The following ERI1 variants were observed in gnomAD, a reference collection of about 807,000 sequenced individuals.
ERI1 encodes 3'-5' exoribonuclease 1.
ERI1 carries 39 observed loss-of-function variants against 39.7 expected under a neutral mutation model. That is an observed-to-expected ratio of 0.98 (90% confidence interval 0.76 to 1.28). The LOEUF is 1.28. Ranked by LOEUF, ERI1 falls within the 50% of genes most tolerant of loss-of-function variation. The pLI, the probability that ERI1 is intolerant of heterozygous loss-of-function variation, is 0.00. For missense variants in ERI1, 581 were observed against 416.9 expected (o/e 1.39, Z -3.43); for synonymous variants, 204 against 149.6 (o/e 1.36, Z -2.65).
At chr8:9,003,615 A>G (rs145276021) in intron 1 of ERI1, among the ~76,000 whole-genome samples, 11 of 152,328 alleles carry the variant, frequency 7.2e-5, no homozygotes, top group Non-Finnish European at 1.0e-4. Flanking sequence ...CTGTCTCTGT[A>G]CCTGTTAAGT....
intron 3 of ERI1, among the ~76,000 whole-genome samples, chr8:9,091,948 T>C (rs1799719183): frequency 1.3e-5 from 2 of 152,202 alleles, no homozygotes; most frequent in Admixed American, 6.5e-5. Flanking sequence ...CTGAAGTGTG[T>C]GCATGTGTTT....
At chr8:9,005,468 AAG>A in intron 1 of ERI1, among the ~76,000 whole-genome samples, 1 of 152,192 alleles carries the variant, frequency 6.6e-6, no homozygotes, top group Middle Eastern at 3.4e-3. Context: ...CTTTTTGTAA[AAG>A]AAAATTTGTA....
At chr8:9,073,184 C>T (rs1799108761) in intron 3 of ERI1, among the ~76,000 whole-genome samples, 1 of 152,332 alleles carries the variant, frequency 6.6e-6, no homozygotes, top group East Asian at 1.9e-4. Context: ...TCGGCTTTGT[C>T]CTTGATTTTG....
chr8:9,046,799 G>T (rs1033940785), intron 3 of ERI1, among the ~76,000 whole-genome samples: 4 of 152,188 alleles, frequency 2.6e-5, no homozygotes, highest in Admixed American at 6.5e-5. Context: ...GAAAGCAGTG[G>T]AAGTTCCACT....
chr8:9,025,804 G>GT lies in ERI1; in HGVS notation c.808-3981dup, dbSNP rs1469280550. On this transcript the variant is annotated intron_variant, in intron 6 of 6. Coordinates refer to ENST00000250263, the MANE Select transcript of ERI1 (RefSeq NM_153332.4). ...CCAGAAGAAATGTTTGAGATTTGGG[G>GT]TTTTTTTCAGATTTTGGAATATTTG... Among the ~76,000 whole-genome samples the GT allele has an allele frequency of 8.2e-3, 1,247 of 151,604 alleles. 16 individuals carry two copies. Among genetic ancestry groups the GT allele is most frequent in the African/African-American group, 0.029 (1,190 of 41,254 alleles).
Position 9,029,851 on chromosome 8 carries a change from T to C in ERI1, c.867T>C (p.Asp289=). The C allele has an allele frequency of 6.2e-7, 1 of 1,614,230 alleles. No homozygotes were observed. The highest frequency in any genetic ancestry group is 8.5e-7 in the Non-Finnish European group (1 of 1,180,036). The change falls in exon 7 of 7, where the codon GAT becomes GAC. Residue 289 remains aspartate, a synonymous_variant. Coordinates refer to ENST00000250263, the MANE Select transcript of ERI1 (RefSeq NM_153332.4). ...TTGAAAAATTAGGAATGGATTATGA[T>C]GGGCGGCCTCACTGTGGTCTTGATG... ...IMLEKLGMDY[D]GRPHCGLDDS...
intron 1 of ERI1, chr8:9,004,272 T>G (rs547746208): frequency 1.7e-6 from 2 of 1,180,140 alleles, no homozygotes; most frequent in South Asian, 3.2e-5. Context: ...CTCTTCAGCC[T>G]GAGATACGTT....
At chr8:9,039,228 C>G (rs1797944875) in intron 3 of ERI1, among the ~76,000 whole-genome samples, 1 of 152,166 alleles carries the variant, frequency 6.6e-6, no homozygotes, top group Non-Finnish European at 1.5e-5. Flanking sequence ...ACTTTCAAAA[C>G]ACCTTTTAGG....
intron 1 of ERI1, among the ~76,000 whole-genome samples, chr8:9,005,429 G>C (rs577803840): frequency 2.0e-5 from 3 of 151,676 alleles, no homozygotes; most frequent in Middle Eastern, 3.4e-3. Context: ...TTCCCAATAA[G>C]AAGAGGACAG....
chr8:9,099,906 G>A (rs893122851), intron 3 of ERI1: 1 of 151,658 alleles, frequency 6.6e-6, no homozygotes, highest in Non-Finnish European at 1.5e-5. Context: ...TACCAGTTCT[G>A]TTGAACCTCA....
At chr8:9,079,956 C>G (rs528253625) in intron 3 of ERI1, among the ~76,000 whole-genome samples, 1 of 150,230 alleles carries the variant, frequency 6.7e-6, no homozygotes, top group Non-Finnish European at 1.5e-5. Flanking sequence ...CAGGTGTAAG[C>G]CACTATGCTT....
intron 2 of ERI1, chr8:9,008,999 ACTC>A (rs1329118486): frequency 2.2e-6 from 1 of 455,896 alleles, no homozygotes; most frequent in African/African-American, 2.0e-5. Context: ...GAAATTTTTG[ACTC>A]CTATTTCCCC....
chr8:9,010,041 A>C (rs1362812541), intron 2 of ERI1, among the ~76,000 whole-genome samples: 1 of 152,258 alleles, frequency 6.6e-6, no homozygotes, highest in Admixed American at 6.5e-5. Context: ...GTAAAGAATG[A>C]ATCGAAGTGT....
At position 9,008,008 on chromosome 8, in the gene ERI1, A is replaced by G. The variant is rs779874713; in HGVS notation, c.147A>G (p.Lys49=). Residue 49 remains lysine, a synonymous_variant, in exon 2 of 7, where the codon AAA becomes AAG. Coordinates refer to ENST00000250263, the MANE Select transcript of ERI1 (RefSeq NM_153332.4). The stretch of plus-strand genomic sequence containing the variant: ...GTAAATTTGATGGCCAGGAGACAAA[A>G]GGATCCAAGTTCATTACCTCCAGTG... The part of the protein sequence containing the change: ...QQCKFDGQET[K]GSKFITSSAS... 3.8e-5 allele frequency: 61 copies of G among 1,601,236 alleles called. 3 individuals carry two copies. The Middle Eastern group carries it at 6.7e-4, about 17-fold the overall frequency.
chr8:9,068,502 A>C (rs907932042), intron 3 of ERI1, among the ~76,000 whole-genome samples: 9 of 152,096 alleles, frequency 5.9e-5, no homozygotes, highest in Non-Finnish European at 1.5e-5. Context: ...ACGCCTGGCT[A>C]GAGACTGTCT....
At chr8:9,003,736 A>C (rs1815633793) in intron 1 of ERI1, among the ~76,000 whole-genome samples, 1 of 152,252 alleles carries the variant, frequency 6.6e-6, no homozygotes, top group Admixed American at 6.5e-5. Flanking sequence ...TTACAGTGGC[A>C]AAGTTGTAGA....
At chr8:9,037,095 TAAA>T (rs910890107), downstream of ERI1, among the ~76,000 whole-genome samples, 1 of 152,202 alleles carries the variant, frequency 6.6e-6, no homozygotes, top group Non-Finnish European at 1.5e-5. Flanking sequence ...ACCACTGTCA[TAAA>T]AAACCTTCCT....
At chr8:9,098,163 C>G (rs1276083829) in intron 3 of ERI1, among the ~76,000 whole-genome samples, 1 of 152,154 alleles carries the variant, frequency 6.6e-6, no homozygotes, top group Non-Finnish European at 1.5e-5. Context: ...GTGGGCTGAT[C>G]ACTTGAGGTC....
intron 6 of ERI1, among the ~76,000 whole-genome samples, chr8:9,028,842 T>G (rs1797378393): frequency 1.3e-5 from 2 of 152,146 alleles, no homozygotes; most frequent in Admixed American, 6.5e-5. Context: ...CAGGCTGGTC[T>G]TGAACTCCTG....
Sources: gnomAD v4.1 joint callset for allele counts (sites outside exome capture counted in the v4.1 genomes callset) on GRCh38, gnomAD v4.1.1 for gene constraint, MANE v1.5 for transcripts, NCBI Gene and HGNC (gene_info 2026-07-23, HGNC 2026-07-21) for gene names.